Variants in AP3S2 observed in about 807,000 individuals in gnomAD.
AP3S2 encodes adaptor related protein complex 3 subunit sigma 2, also known as AP-3 complex subunit sigma-2.
Under a neutral mutation model 23.4 loss-of-function variants are expected in AP3S2, and 22 were observed. The ratio of observed to expected loss-of-function variants is 0.94; its 90% CI spans 0.67 to 1.34. AP3S2 has a LOEUF of 1.34. Ranked by LOEUF, AP3S2 falls within the 40% of genes most tolerant of loss-of-function variation. The pLI, the probability that AP3S2 is intolerant of heterozygous loss-of-function variation, is 0.00. For synonymous variants in AP3S2, 86 were observed against 87.1 expected, an observed-to-expected ratio of 0.99 and a Z score of 0.07; for missense variants, 241 against 236.9, an observed-to-expected ratio of 1.02 and a Z score of -0.11.
At chr15:89,892,972 CAT>C (rs1227143414) in intron 1 of AP3S2, 2 of 152,336 alleles carry the variant, frequency 1.3e-5, no homozygotes, top group Admixed American at 6.5e-5. Context: ...CCTGAATACT[CAT>C]ATTTTTACCT....
intron 4 of AP3S2, among the ~76,000 whole-genome samples, chr15:89,842,558 G>A (rs570856779): frequency 8.5e-5 from 13 of 152,300 alleles, no homozygotes; most frequent in African/African-American, 2.9e-4. Flanking sequence ...AACAGAAAAT[G>A]GAACAACACC....
chr15:89,846,879 C>T (rs993247822), intron 4 of AP3S2, among the ~76,000 whole-genome samples: 1 of 152,054 alleles, frequency 6.6e-6, no homozygotes, highest in African/African-American at 2.4e-5. Flanking sequence ...CCATGTTGGC[C>T]AGGCTGGTCT....
At chr15:89,867,921 G>T (rs553729590) in intron 4 of AP3S2, among the ~76,000 whole-genome samples, 3 of 88,392 alleles carry the variant, frequency 3.4e-5, no homozygotes, top group Non-Finnish European at 6.4e-5. Flanking sequence ...GGAGGGAGGT[G>T]GGGGGGGTCA....
chr15:89,886,657 G>T (rs1229695025), intron 3 of AP3S2: 1 of 152,050 alleles, frequency 6.6e-6, no homozygotes, highest in Non-Finnish European at 1.5e-5. Context: ...CTCGTATTAT[G>T]TACACATTTC....
intron 3 of AP3S2, among the ~76,000 whole-genome samples, chr15:89,874,977 G>C (rs1896408203): frequency 6.6e-6 from 1 of 152,074 alleles, no homozygotes; most frequent in African/African-American, 2.4e-5. Context: ...GAAAAATAAA[G>C]TTACATATTT....
chr15:89,878,891 C>A (rs1387747300), intron 3 of AP3S2, among the ~76,000 whole-genome samples: 3 of 152,196 alleles, frequency 2.0e-5, no homozygotes, highest in African/African-American at 7.2e-5. Context: ...GGATTACAGA[C>A]GTCCCGCACA....
chr15:89,857,128 A>G (rs758737236), intron 4 of AP3S2, among the ~76,000 whole-genome samples: 1 of 152,122 alleles, frequency 6.6e-6, no homozygotes, highest in African/African-American at 2.4e-5. Flanking sequence ...AGCTTCATCA[A>G]AAGTAAAAAC....
At chr15:89,858,493 A>G (rs7175738) in intron 4 of AP3S2, among the ~76,000 whole-genome samples, 8,963 of 51,848 alleles carry the variant, frequency 0.17, 449 homozygotes, top group East Asian at 0.25. Context: ...GAAAGAAAGA[A>G]AGAGAGAGAG....
At chr15:89,888,725 A>T in intron 2 of AP3S2, 93 bp from the exon 3 acceptor site, 1 of 1,347,806 alleles carries the variant, frequency 7.4e-7, no homozygotes. Flanking sequence ...GACCCACTGG[A>T]AAGGAGAAGG....
At chr15:89,840,160 T>C (rs1895293331) in intron 4 of AP3S2, among the ~76,000 whole-genome samples, 1 of 152,194 alleles carries the variant, frequency 6.6e-6, no homozygotes, top group South Asian at 2.1e-4. Flanking sequence ...ACAATGTGGA[T>C]ATACTTAATG....
chr15:89,880,692 A>G (rs1252223391), intron 3 of AP3S2, among the ~76,000 whole-genome samples: 2 of 151,484 alleles, frequency 1.3e-5, no homozygotes, highest in Admixed American at 6.6e-5. Context: ...AAAAAGAAAC[A>G]ATAAATAAAA....
intron 3 of AP3S2, among the ~76,000 whole-genome samples, chr15:89,883,487 T>C (rs1322893762): frequency 6.6e-6 from 1 of 151,930 alleles, no homozygotes; most frequent in Non-Finnish European, 1.5e-5. Flanking sequence ...CCTCAACCCC[T>C]TGGGCTCAAG....
chr15:89,834,026 G>A lies in AP3S2; in HGVS notation c.*1489C>T, dbSNP rs765470903. On this transcript the variant is annotated 3_prime_UTR_variant, in exon 6 of 6. Coordinates refer to ENST00000336418, the MANE Select transcript of AP3S2 (RefSeq NM_005829.5). ...ACCACACCTGAGATCTAGCCCATGC[G>A]ACAGTATGGAAGCAGGAGGCCCTAC... 5 of 152,280 alleles carry A rather than the reference G, an allele frequency of 3.3e-5. No homozygotes were observed. In the East Asian group the frequency reaches 9.6e-4, roughly 29 times the overall value. 9.4% of individuals were successfully genotyped at this position (152,280 alleles called of 1,614,324 possible). A position where few individuals can be genotyped will look rare whatever the true frequency, so the allele number is the denominator to read the frequency against.
intron 1 of AP3S2, among the ~76,000 whole-genome samples, chr15:89,891,961 G>C (rs1271287180): frequency 2.0e-5 from 3 of 152,074 alleles, no homozygotes; most frequent in Non-Finnish European, 4.4e-5. Flanking sequence ...GCATTAATTA[G>C]AAGAGCCAAA....
chr15:89,874,559 G>A (rs988095511), intron 3 of AP3S2, among the ~76,000 whole-genome samples: 7 of 152,170 alleles, frequency 4.6e-5, no homozygotes, highest in South Asian at 2.1e-4. Flanking sequence ...AAGATCCCTC[G>A]AGCCCAGGAG....
At chr15:89,863,122 G>GT (rs1211304117) in intron 4 of AP3S2, among the ~76,000 whole-genome samples, 1 of 152,098 alleles carries the variant, frequency 6.6e-6, no homozygotes, top group African/African-American at 2.4e-5. Context: ...AGGGTTAACA[G>GT]TATCAGATAC....
At chr15:89,881,945 C>G (rs879475170) in intron 3 of AP3S2, among the ~76,000 whole-genome samples, 10 of 152,078 alleles carry the variant, frequency 6.6e-5, no homozygotes, top group Admixed American at 5.9e-4. Flanking sequence ...CTCAACCCCC[C>G]AAGTAGCTGG....
chr15:89,889,965 T>C (rs1896783086), intron 1 of AP3S2, among the ~76,000 whole-genome samples: 1 of 151,800 alleles, frequency 6.6e-6, no homozygotes, highest in Non-Finnish European at 1.5e-5. Flanking sequence ...ACTGGTAATA[T>C]AGATACTACA....
chr15:89,848,460 A>G (rs1895551006), intron 4 of AP3S2: 1 of 152,364 alleles, frequency 6.6e-6, no homozygotes, highest in Non-Finnish European at 1.5e-5. Context: ...TCCCAGGTTC[A>G]TGCCATTCTC....
Sources: gnomAD v4.1 joint callset for allele counts (sites outside exome capture counted in the v4.1 genomes callset) on GRCh38, gnomAD v4.1.1 for gene constraint, MANE v1.5 for transcripts, NCBI Gene and HGNC (gene_info 2026-07-23, HGNC 2026-07-21) for gene names.